The following ZDHHC7 variants were observed in gnomAD, a reference collection of about 807,000 sequenced individuals.
The protein encoded by ZDHHC7 is palmitoyltransferase ZDHHC7.
In ZDHHC7, 12 loss-of-function variants were observed where a neutral mutation model predicts 34.1. The ratio of observed to expected loss-of-function variants is 0.35; its 90% confidence interval spans 0.23 to 0.57. The LOEUF is 0.57. Among genes scored for constraint, ZDHHC7 ranks in the 20% least tolerant of loss-of-function variants. ZDHHC7 has a pLI of 0.84. For missense variants in ZDHHC7, 388 were observed against 402.7 expected (o/e 0.96, Z 0.31); for synonymous variants, 185 against 155.4 (o/e 1.19, Z -1.42).
intron 3 of ZDHHC7, among the ~76,000 whole-genome samples, chr16:84,984,968 G>A (rs189682280): frequency 3.9e-5 from 6 of 152,290 alleles, no homozygotes; most frequent in African/African-American, 1.4e-4. Context: ...GCACCCATGG[G>A]GCATTCTTCT....
At chr16:85,024,571 A>G in the ZDHHC7 span, among the ~76,000 whole-genome samples, 1 of 152,188 alleles carries the variant, frequency 6.6e-6, no homozygotes, top group African/African-American at 2.4e-5. Context: ...CAATAACTTT[A>G]CTGCTTCTCC....
Position 84,995,536 on chromosome 16 carries a change from G to T in ZDHHC7, c.-18+386C>A, listed in dbSNP as rs774720990. Among the ~76,000 whole-genome samples the T allele has an allele frequency of 7.2e-5, 11 of 152,286 alleles. 1 individual carries two copies. The highest frequency in any genetic ancestry group is 2.6e-4 in the African/African-American group (11 of 41,558). On this transcript the variant is annotated intron_variant, in intron 2 of 7. Transcript: ENST00000313732. ...AGCTACTAGGGAGGCTGAGGCAGAA[G>T]AATCACTTGAACCTGGGAGACAGAG...
intron 1 of ZDHHC7, among the ~76,000 whole-genome samples, chr16:85,003,670 A>T (rs901914632): frequency 6.6e-6 from 1 of 152,202 alleles, no homozygotes; most frequent in African/African-American, 2.4e-5. Context: ...GCTGGCACGT[A>T]AGTCATACGG....
At chr16:84,984,921 C>T (rs1219728468) in intron 3 of ZDHHC7, among the ~76,000 whole-genome samples, 1 of 152,218 alleles carries the variant, frequency 6.6e-6, no homozygotes, top group African/African-American at 2.4e-5. Flanking sequence ...GATGTGCCCA[C>T]GATGACAGCG....
chr16:85,025,047 T>A, the ZDHHC7 span, among the ~76,000 whole-genome samples: 4 of 151,916 alleles, frequency 2.6e-5, no homozygotes, highest in Admixed American at 6.6e-5. Context: ...GAGGCCGAGG[T>A]AGGTGGATCA....
intron 4 of ZDHHC7, 37 bp downstream of exon 4, chr16:84,981,833 G>A (rs750908568): frequency 4.1e-5 from 66 of 1,613,060 alleles, no homozygotes; most frequent in Non-Finnish European, 5.4e-5. Context: ...ACCCGCAGTG[G>A]CGGATGCGCT....
chr16:84,976,302 CTG>C lies in ZDHHC7; in HGVS notation c.*39_*40del. The C allele has an allele frequency of 6.2e-7, 1 of 1,607,836 alleles. No individual in the cohort carries two copies. The highest frequency in any genetic ancestry group is 8.5e-7 in the Non-Finnish European group (1 of 1,178,416). The stretch of plus-strand genomic sequence containing the variant: ...TATCCTTCAGACCCCAAATAAATAA[CTG>C]GAAGTCTGTGAGCAAGTTTCAGTCT... On this transcript the variant is annotated 3_prime_UTR_variant, in exon 8 of 8. Coordinates refer to ENST00000313732, the MANE Select transcript of ZDHHC7 (RefSeq NM_017740.3).
At chr16:85,025,594 G>C in the ZDHHC7 span, among the ~76,000 whole-genome samples, 12 of 152,110 alleles carry the variant, frequency 7.9e-5, no homozygotes, top group Non-Finnish European at 1.8e-4. Context: ...ATTTTTAGTA[G>C]AGACCAGGTT....
At chr16:85,023,382 C>T in the ZDHHC7 span, among the ~76,000 whole-genome samples, 2 of 152,050 alleles carry the variant, frequency 1.3e-5, no homozygotes, top group Non-Finnish European at 1.5e-5. Context: ...CCAGGCTGGT[C>T]TTGAACTCCT....
At position 84,977,146 on chromosome 16, in the gene ZDHHC7, G is replaced by C. The variant is rs2072309189; in HGVS notation, c.699C>G (p.Phe233Leu). Residue 233 changes from phenylalanine to leucine, a missense_variant, in exon 7 of 8, where the codon TTC becomes TTG. Phe to Leu is a conservative substitution (Grantham distance 22). Coordinates refer to ENST00000313732, the MANE Select transcript of ZDHHC7 (RefSeq NM_017740.3). ...LCLEGLLFFT[F>L]TAVMFGTQIH... ...TTTGGGTGCCAAACATAACTGCAGT[G>C]AAAGTGAAAAACAGAAGACCCTCAA... 1.9e-6 allele frequency: 3 copies of C among 1,614,214 alleles called. No individual in the cohort carries two copies. The highest frequency in any genetic ancestry group is 2.5e-6 in the Non-Finnish European group (3 of 1,180,034).
At chr16:85,013,277 C>G (rs139729289), upstream of ZDHHC7, among the ~76,000 whole-genome samples, 16 of 152,132 alleles carry the variant, frequency 1.1e-4, no homozygotes, top group Non-Finnish European at 2.1e-4. Context: ...GAGTCTCGCT[C>G]TGTCTCCCAG....
At position 84,990,352 on chromosome 16, in the gene ZDHHC7, C is replaced by T. The variant is rs1263166619; in HGVS notation, c.267G>A (p.Leu89=). ...GGTGGGATGACAGGGCAAGCACGGCCAAGCAGTTAAAGATGACCCCGTTGA... is the reference window on the plus strand; with the variant it reads ...GGTGGGATGACAGGGCAAGCACGGCTAAGCAGTTAAAGATGACCCCGTTGA... ...SVVNGVIFNC[L]AVLALSSHLR... The change falls in exon 3 of 8, where the codon TTG becomes TTA. Residue 89 remains leucine (L), a synonymous_variant. Coordinates refer to ENST00000313732, the MANE Select transcript of ZDHHC7 (RefSeq NM_017740.3). 2 of 1,614,068 alleles carry T rather than the reference C, an allele frequency of 1.2e-6. No homozygotes were observed. The highest frequency in any genetic ancestry group is 2.2e-5 in the South Asian group (2 of 91,064).
intron 3 of ZDHHC7, chr16:84,988,720 C>G (rs762104991): frequency 6.5e-7 from 1 of 1,534,288 alleles, no homozygotes. Flanking sequence ...CTGAGGACTC[C>G]CAGCCAGGCT....
chr16:85,017,376 G>C, the ZDHHC7 span, among the ~76,000 whole-genome samples: 2 of 152,096 alleles, frequency 1.3e-5, no homozygotes, highest in Non-Finnish European at 1.5e-5. Context: ...GGCCAAACGC[G>C]GAACAACCGA....
At chr16:85,017,592 G>C in the ZDHHC7 span, among the ~76,000 whole-genome samples, 1 of 152,132 alleles carries the variant, frequency 6.6e-6, no homozygotes, top group African/African-American at 2.4e-5. Flanking sequence ...TGGCGTATTT[G>C]TGCAATGAAA....
intron 2 of ZDHHC7, among the ~76,000 whole-genome samples, chr16:84,991,187 A>T (rs1324139918): frequency 6.6e-6 from 1 of 152,148 alleles, no homozygotes; most frequent in African/African-American, 2.4e-5. Flanking sequence ...TTTGATTCTC[A>T]GTTTATCCTC....
intron 3 of ZDHHC7, among the ~76,000 whole-genome samples, chr16:84,985,011 C>T (rs1403919600): frequency 3.3e-5 from 5 of 152,216 alleles, no homozygotes; most frequent in Non-Finnish European, 4.4e-5. Flanking sequence ...AGTAATTGAG[C>T]ACATTCCTCA....
intron 1 of ZDHHC7, among the ~76,000 whole-genome samples, chr16:85,006,568 C>T (rs2143745918): frequency 6.6e-6 from 1 of 151,630 alleles, no homozygotes; most frequent in Admixed American, 6.6e-5. Context: ...GGCCTGACCC[C>T]ATTTCTGTAA....
chr16:84,988,711 T>C, intron 3 of ZDHHC7: 1 of 1,503,122 alleles, frequency 6.7e-7, no homozygotes. Context: ...AGCAAACTGC[T>C]GAGGACTCCC....
Sources: allele counts gnomAD v4.1 joint callset (sites outside exome capture counted in the v4.1 genomes callset), GRCh38; gene constraint gnomAD v4.1.1; transcripts MANE v1.5; gene names NCBI Gene and HGNC (gene_info 2026-07-23, HGNC 2026-07-21).